Variants in USH2A observed in about 807,000 individuals in gnomAD.
USH2A encodes Usher syndrome 2A (autosomal recessive, mild).
USH2A carries 443 observed loss-of-function variants against 538.9 expected under a neutral mutation model. The ratio of observed to expected loss-of-function variants is 0.82; its 90% CI spans 0.76 to 0.89. USH2A has a LOEUF of 0.89. Ranked by LOEUF, USH2A falls within the 40% of genes least tolerant of loss-of-function variation. The probability of loss-of-function intolerance (pLI) is 0.00; values close to 1 mark genes in which losing one functional copy is unlikely to be tolerated. For missense variants in USH2A, 6,633 were observed against 6,324.8 expected (o/e 1.05, Z -1.65); for synonymous variants, 2,413 against 2,273.5 (o/e 1.06, Z -1.75).
intron 13 of USH2A, among the ~76,000 whole-genome samples, chr1:216,240,069 C>T (rs1483860766): frequency 6.8e-6 from 1 of 146,460 alleles, no homozygotes; most frequent in Non-Finnish European, 1.5e-5. Context: ...ATTATAGATA[C>T]CTATAAGAAA....
Position 215,864,287 on chromosome 1 carries a change from A to G in USH2A, c.8845+2720T>C, listed in dbSNP as rs184825780. On this transcript the variant is annotated intron_variant, in intron 44 of 71. Coordinates refer to ENST00000307340, the MANE Select transcript of USH2A (RefSeq NM_206933.4). Reference sequence around the variant, plus strand: ...TTTCTATAATTTTTGGTAAGTTACTATGGGCTGGTTTCTATCTCATTGTGC... The same window carrying G: ...TTTCTATAATTTTTGGTAAGTTACTGTGGGCTGGTTTCTATCTCATTGTGC... 2.4e-3 allele frequency among the ~76,000 whole-genome samples: 370 copies of G among 152,292 alleles called. 6 individuals are homozygous for G. Among genetic ancestry groups the G allele is most frequent in the Non-Finnish European group, 1.7e-3 (118 of 68,024 alleles).
intron 4 of USH2A, among the ~76,000 whole-genome samples, chr1:216,361,832 A>G (rs1338299481): frequency 1.3e-5 from 2 of 152,348 alleles, no homozygotes; most frequent in Middle Eastern, 3.4e-3. Context: ...TGCATACACT[A>G]TGGAAAAATC....
intron 47 of USH2A, among the ~76,000 whole-genome samples, chr1:215,825,016 G>C (rs967017286): frequency 3.3e-5 from 5 of 152,090 alleles, no homozygotes; most frequent in Non-Finnish European, 5.9e-5. Flanking sequence ...TCTGTGGAGA[G>C]GAGTGAAGCC....
At chr1:216,011,948 G>T in intron 32 of USH2A, among the ~76,000 whole-genome samples, 1 of 115,958 alleles carries the variant, frequency 8.6e-6, no homozygotes, top group Admixed American at 9.4e-5. Flanking sequence ...CTTCTTTCCT[G>T]TTCCTCAGCC....
rs567555501 is a variant in USH2A at position 215,909,835 on chromosome 1, G to A, written c.7301-8930C>T. ...AAGTATTGTTCATAGAGGATTTGGTGATGGAACAGATGTAGGGATGTAGAG... is the reference window on the plus strand; with the variant it reads ...AAGTATTGTTCATAGAGGATTTGGTAATGGAACAGATGTAGGGATGTAGAG... On this transcript the variant is annotated intron_variant, in intron 38 of 71. Coordinates refer to ENST00000307340, the MANE Select transcript of USH2A (RefSeq NM_206933.4). 2.6e-5 allele frequency among the ~76,000 whole-genome samples: 4 copies of A among 152,026 alleles called. No individual in the cohort carries two copies. In the East Asian group the frequency reaches 7.8e-4, roughly 30 times the overall value.
chr1:215,817,072 A>G lies in USH2A; in HGVS notation c.9495T>C (p.Asp3165=), dbSNP rs41305094. Reference sequence around the variant, plus strand: ...GACACCTCACTGCCTTGCAGAGCTCATCACTCTGATCCTGCACTAACTTTT... The same window carrying G: ...GACACCTCACTGCCTTGCAGAGCTCGTCACTCTGATCCTGCACTAACTTTT... The part of the protein sequence containing the change: ...KTQKLVQDQS[D]ELCKAVRCQK... The change falls in exon 48 of 72, where the codon GAT becomes GAC. Residue 3165 remains aspartate, a synonymous_variant. Transcript: ENST00000307340. 5.2e-4 allele frequency: 831 copies of G among 1,612,686 alleles called. 1 individual carries two copies. Among genetic ancestry groups the G allele is most frequent in the Non-Finnish European group, 6.4e-4 (755 of 1,179,048 alleles).
At chr1:215,692,835 C>T (rs1012369793) in intron 61 of USH2A, among the ~76,000 whole-genome samples, 1 of 151,942 alleles carries the variant, frequency 6.6e-6, no homozygotes, top group East Asian at 1.9e-4. Flanking sequence ...CCATCTCCTC[C>T]CCCATGCCCC....
Position 215,888,821 on chromosome 1 carries a change from G to A in USH2A, c.7828C>T (p.Leu2610Phe), listed in dbSNP as rs1288636636. ...CATACAGTCTGGGACTCTGGTGAAA[G>A]GGAACATCCTTTTGAAGTGCAGGCT... is the stretch of plus-strand genomic sequence containing the variant. ...VEACTSKGCS[L>F]SPESQTVWTL... is the part of the protein sequence containing the mutation. The change falls in exon 41 of 72, where the codon CTT becomes TTT. Residue 2610 changes from leucine to phenylalanine, a missense_variant. Transcript: ENST00000307340. 2.5e-6 allele frequency: 4 copies of A among 1,614,124 alleles called. No individual in the cohort carries two copies. The highest frequency in any genetic ancestry group is 3.4e-6 in the Non-Finnish European group (4 of 1,180,010).
chr1:215,774,153 T>A (rs925457194), intron 55 of USH2A, among the ~76,000 whole-genome samples: 3 of 152,244 alleles, frequency 2.0e-5, no homozygotes, highest in African/African-American at 7.2e-5. Context: ...CATCAAAACA[T>A]CAAAACAAAG....
chr1:216,095,152 C>A (rs74143941), intron 22 of USH2A, among the ~76,000 whole-genome samples: 6,623 of 152,092 alleles, frequency 0.044, 477 homozygotes, highest in African/African-American at 0.15. Context: ...CAGATATTCT[C>A]TCCTATTTTT....
In USH2A at chr1:216,176,778, A is replaced by C. The variant is rs544648632; in HGVS notation, c.4397-1296T>G. Among the ~76,000 whole-genome samples, 6 of 152,290 alleles carry C rather than the reference A, an allele frequency of 3.9e-5. No homozygotes were observed. In the South Asian group the frequency reaches 1.2e-3, roughly 32 times the overall value. Reference sequence around the variant, plus strand: ...GTAGTTTTGCCTTTTCCAGAAAGTCATATAGTTGGAATCATAAAGCATGTA... The same window carrying C: ...GTAGTTTTGCCTTTTCCAGAAAGTCCTATAGTTGGAATCATAAAGCATGTA... On this transcript the variant is annotated intron_variant, in intron 20 of 71. Transcript: ENST00000307340.
chr1:215,679,945 A>C (rs1658168742), intron 62 of USH2A, among the ~76,000 whole-genome samples: 1 of 152,230 alleles, frequency 6.6e-6, no homozygotes, highest in African/African-American at 2.4e-5. Flanking sequence ...CATGGAGAGC[A>C]TTTAGCTCAG....
At chr1:216,092,299 T>C (rs539418176) in intron 22 of USH2A, among the ~76,000 whole-genome samples, 2 of 152,256 alleles carry the variant, frequency 1.3e-5, no homozygotes, top group African/African-American at 4.8e-5. Flanking sequence ...GATCATACAG[T>C]CTGATAAGAC....
chr1:216,174,844 T>C, intron 21 of USH2A: 1 of 1,035,334 alleles, frequency 9.7e-7, no homozygotes. Context: ...ATAGCTTTCT[T>C]ACAATGCTTT....
At chr1:216,123,639 T>G (rs2033181729) in intron 21 of USH2A, among the ~76,000 whole-genome samples, 1 of 152,210 alleles carries the variant, frequency 6.6e-6, no homozygotes, top group Non-Finnish European at 1.5e-5. Context: ...TTTCCCACAT[T>G]ATTTGTTTTT....
At chr1:215,994,012 T>C (rs1668074602) in intron 34 of USH2A, among the ~76,000 whole-genome samples, 1 of 152,174 alleles carries the variant, frequency 6.6e-6, no homozygotes, top group Non-Finnish European at 1.5e-5. Flanking sequence ...TTTCAGCCCA[T>C]ATTTGCTAGC....
Position 215,962,000 on chromosome 1 carries a change from G to A in USH2A, c.7120+3317C>T, listed in dbSNP as rs566043540. 4.0e-5 allele frequency among the ~76,000 whole-genome samples: 6 copies of A among 151,894 alleles called. No homozygotes were observed. In the East Asian group the frequency reaches 1.2e-3, roughly 29 times the overall value. On this transcript the variant is annotated intron_variant, in intron 37 of 71. Coordinates refer to ENST00000307340, the MANE Select transcript of USH2A (RefSeq NM_206933.4). ...TTCTTAAACCTCTGTAAAAATGTGG[G>A]CAAAAGATACAAATGAAGCATTCAC...
intron 38 of USH2A, among the ~76,000 whole-genome samples, chr1:215,916,108 A>T (rs988425162): frequency 2.0e-5 from 3 of 151,790 alleles, no homozygotes; most frequent in African/African-American, 7.3e-5. Context: ...TAATGGGTAT[A>T]GCACACCAGC....
intron 44 of USH2A, among the ~76,000 whole-genome samples, chr1:215,850,555 T>C (rs1050150931): frequency 3.3e-5 from 5 of 152,082 alleles, no homozygotes; most frequent in East Asian, 1.9e-4. Flanking sequence ...CTGTCTTTAA[T>C]TGACACATAG....
Sources: allele counts gnomAD v4.1 joint callset (sites outside exome capture counted in the v4.1 genomes callset), GRCh38; gene constraint gnomAD v4.1.1; transcripts MANE v1.5; gene names NCBI Gene and HGNC (gene_info 2026-07-23, HGNC 2026-07-21).